Variants in CHST12 observed in about 807,000 individuals in gnomAD.
CHST12 encodes the protein carbohydrate (chondroitin 4) sulfotransferase 12.
In CHST12, 23 loss-of-function variants were observed where a neutral mutation model predicts 27.9. That is an observed-to-expected ratio of 0.82 (90% CI 0.59 to 1.17). CHST12 has a LOEUF of 1.17. Among genes scored for constraint, CHST12 ranks in the 50% most tolerant of loss-of-function variants. The probability of loss-of-function intolerance (pLI) is 0.00; values close to 1 mark genes in which losing one functional copy is unlikely to be tolerated. For missense variants in CHST12, 682 were observed against 603.0 expected, an observed-to-expected ratio of 1.13 and a Z score of -1.37; for synonymous variants, 322 against 273.0, an observed-to-expected ratio of 1.18 and a Z score of -1.77.
chr7:2,414,048 G>A (rs1423689338), intron 1 of CHST12, among the ~76,000 whole-genome samples: 2 of 151,884 alleles, frequency 1.3e-5, no homozygotes, highest in African/African-American at 2.4e-5. Context: ...ATTTTAATTT[G>A]CATTTCTTTG....
intron 1 of CHST12, among the ~76,000 whole-genome samples, chr7:2,422,883 T>C (rs1408703773): frequency 1.3e-5 from 2 of 151,284 alleles, no homozygotes; most frequent in African/African-American, 4.9e-5. Flanking sequence ...TTTTTTTTTT[T>C]AGTGTGGTTT....
In CHST12 at chr7:2,433,642, G is replaced by T; in HGVS notation, c.1003G>T (p.Asp335Tyr). The T allele has an allele frequency of 1.2e-6, 2 of 1,613,734 alleles. No individual in the cohort carries two copies. Among genetic ancestry groups the T allele is most frequent in the Non-Finnish European group, 8.5e-7 (1 of 1,179,958 alleles). ...VYRLCHPCQI[D>Y]YDFVGKLETL... ...CCGCCTCTGCCACCCGTGCCAGATC[G>T]ACTACGACTTCGTGGGGAAGCTGGA... Residue 335 changes from aspartate to tyrosine, a missense_variant, in exon 2 of 2, where the codon GAC becomes TAC. Asp to Tyr is a radical substitution (Grantham distance 160). Coordinates refer to ENST00000618655, the MANE Select transcript of CHST12 (RefSeq NM_018641.5). This position sits in a 1 kb window ranked among gnomAD's most constrained non-coding sequence, Gnocchi z 6.1.
chr7:2,414,126 G>A (rs529117436), intron 1 of CHST12, among the ~76,000 whole-genome samples: 51 of 152,120 alleles, frequency 3.4e-4, no homozygotes, highest in Non-Finnish European at 6.5e-4. Context: ...TTTGTGAAAC[G>A]TCTGTTCAAA....
At chr7:2,429,945 G>T (rs1052459529) in intron 1 of CHST12, among the ~76,000 whole-genome samples, 6 of 151,980 alleles carry the variant, frequency 3.9e-5, no homozygotes, top group African/African-American at 1.5e-4. Flanking sequence ...ACCATGCACG[G>T]CAGATTTTTG....
intron 1 of CHST12, among the ~76,000 whole-genome samples, chr7:2,426,574 C>G (rs1583220927): frequency 1.3e-5 from 2 of 151,160 alleles, no homozygotes; most frequent in African/African-American, 2.4e-5. Context: ...TTGCCTTGTT[C>G]ATGATCTTGG....
At chr7:2,426,349 G>A (rs115899311) in intron 1 of CHST12, among the ~76,000 whole-genome samples, 3,882 of 152,278 alleles carry the variant, frequency 0.025, 189 homozygotes, top group African/African-American at 0.088. Context: ...GTGCATGCAC[G>A]TGGTGAGCAC....
chr7:2,427,234 G>C (rs894392668), intron 1 of CHST12, among the ~76,000 whole-genome samples: 1 of 151,978 alleles, frequency 6.6e-6, no homozygotes, highest in African/African-American at 2.4e-5. Flanking sequence ...AAAATACTCA[G>C]TTTAAGAAAT....
At chr7:2,420,190 G>A (rs1425294185) in intron 1 of CHST12, among the ~76,000 whole-genome samples, 2 of 151,226 alleles carry the variant, frequency 1.3e-5, no homozygotes, top group Non-Finnish European at 2.9e-5. Flanking sequence ...AGCCAGGATG[G>A]TCTTGATCTC....
chr7:2,408,573 A>C (rs1781585821), intron 1 of CHST12, among the ~76,000 whole-genome samples: 1 of 152,314 alleles, frequency 6.6e-6, no homozygotes, highest in Non-Finnish European at 1.5e-5. Context: ...GGCTTTTTCA[A>C]AGCAGCACTG....
intron 1 of CHST12, among the ~76,000 whole-genome samples, chr7:2,417,348 C>A (rs558315632): frequency 2.0e-5 from 3 of 150,980 alleles, no homozygotes; most frequent in Non-Finnish European, 4.4e-5. Flanking sequence ...CCTCAGCCTC[C>A]TGAGTAGCTG....
rs748673123 is a variant in CHST12 at position 2,446,822 on chromosome 7, T to C, written c.*12938T>C. ...CACATCCTGCCGTCCCTGTGGGAGA[T>C]TGGAGCGGTCCCAGTGCCCACCGCT... On this transcript the variant is annotated 3_prime_UTR_variant, in exon 2 of 2. Transcript: ENST00000618655. The C allele has an allele frequency of 1.3e-5, 2 of 152,402 alleles. No homozygotes were observed. Among genetic ancestry groups the C allele is most frequent in the Non-Finnish European group, 2.9e-5 (2 of 68,224 alleles). The allele number at this position is 152,402 out of a possible 1,614,324, so 9.4% of individuals were successfully genotyped here.
At chr7:2,405,628 C>T (rs564583879) in intron 1 of CHST12, among the ~76,000 whole-genome samples, 1 of 151,916 alleles carries the variant, frequency 6.6e-6, no homozygotes, top group African/African-American at 2.4e-5. Context: ...CCTTGTGGGG[C>T]GTGGGTCTGG....
In CHST12 at chr7:2,443,166, A is replaced by G. The variant is rs1782662403; in HGVS notation, c.*9282A>G. On this transcript the variant is annotated 3_prime_UTR_variant, in exon 2 of 2. Transcript: ENST00000618655. Reference sequence around the variant, plus strand: ...ACCCAGGCTGGAGTGCAGTGGTGCAATCTCAGCTCACTGCAACCTCTGCCT... The same window carrying G: ...ACCCAGGCTGGAGTGCAGTGGTGCAGTCTCAGCTCACTGCAACCTCTGCCT... The G allele has an allele frequency of 6.6e-6, 1 of 152,088 alleles. No homozygotes were observed. 9.4% of individuals were successfully genotyped at this position (152,088 alleles called of 1,614,324 possible). A position where few individuals can be genotyped will look rare whatever the true frequency, so the allele number is the denominator to read the frequency against.
chr7:2,415,514 CT>C (rs1781779339), intron 1 of CHST12, among the ~76,000 whole-genome samples: 1 of 152,100 alleles, frequency 6.6e-6, no homozygotes, highest in South Asian at 2.1e-4. Context: ...GAGTGGCAAT[CT>C]TTTTGCTGGT....
At position 2,436,813 on chromosome 7, in the gene CHST12, T is replaced by C. The variant is rs1047802530; in HGVS notation, c.*2929T>C. 2.0e-5 allele frequency: 3 copies of C among 152,206 alleles called. No homozygotes were observed. Among genetic ancestry groups the C allele is most frequent in the Non-Finnish European group, 4.4e-5 (3 of 68,040 alleles). 9.4% of individuals were successfully genotyped at this position (152,206 alleles called of 1,614,324 possible). A position where few individuals can be genotyped will look rare whatever the true frequency, so the allele number is the denominator to read the frequency against. ...CGGTTTTCCTGAGCACCTGGGGTGT[T>C]TGCAGGGATGTGGAGGGGTTCCTGC... is the stretch of plus-strand genomic sequence containing the variant. On this transcript the variant is annotated 3_prime_UTR_variant, in exon 2 of 2. Transcript: ENST00000618655.
intron 1 of CHST12, among the ~76,000 whole-genome samples, chr7:2,412,388 T>G (rs1226897944): frequency 6.6e-6 from 1 of 152,208 alleles, no homozygotes; most frequent in Non-Finnish European, 1.5e-5. Flanking sequence ...TTTTGTTGAC[T>G]ACAGCGATGG....
chr7:2,417,200 A>G (rs1781833412), intron 1 of CHST12, among the ~76,000 whole-genome samples: 2 of 151,318 alleles, frequency 1.3e-5, no homozygotes, highest in Admixed American at 1.3e-4. Flanking sequence ...ACAGGCAGGC[A>G]GAGAGAGTTG....
chr7:2,408,750 G>T (rs927412937), intron 1 of CHST12, among the ~76,000 whole-genome samples: 4 of 152,204 alleles, frequency 2.6e-5, no homozygotes, highest in South Asian at 4.1e-4. Context: ...AGTCTCCCCA[G>T]ATGAGGCAGT....
intron 1 of CHST12, among the ~76,000 whole-genome samples, chr7:2,408,068 T>A (rs536562168): frequency 6.6e-5 from 10 of 151,964 alleles, no homozygotes; most frequent in Admixed American, 2.0e-4. Flanking sequence ...ACCCCAGAAT[T>A]TGGATAGTGA....
Sources: gnomAD v4.1 joint callset for allele counts (sites outside exome capture counted in the v4.1 genomes callset) on GRCh38, gnomAD v4.1.1 for gene constraint, Gnocchi (gnomAD v3.1) non-coding constraint, MANE v1.5 for transcripts, NCBI Gene and HGNC (gene_info 2026-07-23, HGNC 2026-07-21) for gene names.